LRRC4C: variants seen among roughly 807,000 people sequenced by gnomAD.
LRRC4C encodes the protein leucine-rich repeat-containing protein 4C.
In LRRC4C, 5 loss-of-function variants were observed where a neutral mutation model predicts 33.6. The ratio of observed to expected loss-of-function variants is 0.15; its 90% CI spans 0.08 to 0.31. The LOEUF (loss-of-function observed/expected upper bound fraction) is 0.31, where lower values mean the gene tolerates loss of function less well. Ranked by LOEUF, LRRC4C falls within the 10% of genes least tolerant of loss-of-function variation. The pLI, the probability that LRRC4C is intolerant of heterozygous loss-of-function variation, is 1.00. For synonymous variants in LRRC4C, 329 were observed against 302.0 expected, an observed-to-expected ratio of 1.09 and a Z score of -0.93; for missense variants, 560 against 796.7, an observed-to-expected ratio of 0.70 and a Z score of 3.58.
At chr11:41,264,033 T>C (rs1262677923) in intron 1 of LRRC4C, among the ~76,000 whole-genome samples, 2 of 152,036 alleles carry the variant, frequency 1.3e-5, no homozygotes, top group African/African-American at 2.4e-5. Flanking sequence ...TAAAGTATAA[T>C]ACAAAAATTG....
At chr11:41,407,810 G>T (rs1954299976) in intron 1 of LRRC4C, among the ~76,000 whole-genome samples, 1 of 152,126 alleles carries the variant, frequency 6.6e-6, no homozygotes, top group Non-Finnish European at 1.5e-5. Context: ...TCAAAGGTAG[G>T]TGTAAGAAAG....
chr11:40,172,538 C>A (rs183227688), intron 5 of LRRC4C, among the ~76,000 whole-genome samples: 2 of 151,812 alleles, frequency 1.3e-5, no homozygotes, highest in South Asian at 2.1e-4. Flanking sequence ...TTTATGCTCC[C>A]TTTTTACCCT....
At chr11:41,254,586 C>T (rs978690188) in intron 1 of LRRC4C, among the ~76,000 whole-genome samples, 2 of 151,926 alleles carry the variant, frequency 1.3e-5, no homozygotes, top group African/African-American at 2.4e-5. Context: ...ACCCAAGGGG[C>T]CATAATATTA....
intron 1 of LRRC4C, among the ~76,000 whole-genome samples, chr11:41,214,743 C>G (rs1441137599): frequency 2.8e-5 from 4 of 145,366 alleles, no homozygotes; most frequent in African/African-American, 1.0e-4. Flanking sequence ...GAGCCAGACT[C>G]CATCTCAAAA....
intron 2 of LRRC4C, among the ~76,000 whole-genome samples, chr11:40,819,175 G>C (rs1026471614): frequency 1.3e-5 from 2 of 152,094 alleles, no homozygotes; most frequent in South Asian, 4.1e-4. Flanking sequence ...ACAAATATGT[G>C]CAGAAGAGTT....
At chr11:40,149,765 G>C (rs1858034393) in intron 5 of LRRC4C, among the ~76,000 whole-genome samples, 1 of 152,172 alleles carries the variant, frequency 6.6e-6, no homozygotes, top group African/African-American at 2.4e-5. Context: ...TCCAGGAAGA[G>C]AGAATAGCTA....
chr11:40,591,077 C>T (rs1959031122), intron 3 of LRRC4C, among the ~76,000 whole-genome samples: 1 of 152,152 alleles, frequency 6.6e-6, no homozygotes, highest in South Asian at 2.1e-4. Context: ...CTCCCCCAGC[C>T]TCGCTGCCGC....
chr11:41,366,500 A>G (rs1007575332), intron 1 of LRRC4C, among the ~76,000 whole-genome samples: 1 of 152,186 alleles, frequency 6.6e-6, no homozygotes, highest in Non-Finnish European at 1.5e-5. Flanking sequence ...AAATTTTAAA[A>G]TATAATTTAA....
intron 2 of LRRC4C, among the ~76,000 whole-genome samples, chr11:40,725,848 G>T (rs1371218361): frequency 6.6e-6 from 1 of 152,064 alleles, no homozygotes; most frequent in Non-Finnish European, 1.5e-5. Context: ...GATTGCTTGA[G>T]CTGCAAGCCT....
intron 2 of LRRC4C, among the ~76,000 whole-genome samples, chr11:40,874,753 T>A (rs1339153576): frequency 6.6e-6 from 1 of 152,190 alleles, no homozygotes; most frequent in Non-Finnish European, 1.5e-5. Context: ...TTCACTGGAT[T>A]TGCAATGAGG....
chr11:40,638,434 C>T (rs556909166), intron 3 of LRRC4C, among the ~76,000 whole-genome samples: 10 of 152,244 alleles, frequency 6.6e-5, no homozygotes, highest in African/African-American at 2.2e-4. Context: ...GGCTCTTAAC[C>T]TTGTGCATAA....
chr11:41,063,175 A>C (rs753093835), intron 1 of LRRC4C, among the ~76,000 whole-genome samples: 2 of 152,202 alleles, frequency 1.3e-5, no homozygotes, highest in Non-Finnish European at 2.9e-5. Context: ...AGTCTTCTTA[A>C]CCATCCTGCA....
At position 40,192,449 on chromosome 11, in the gene LRRC4C, C is replaced by T. The variant is rs535167997; in HGVS notation, c.-96+49070G>A. ...GATACCATGTTTATCTCACGGTCTT[C>T]GCAATCTGCAGACCAGGAGATTCCC... On this transcript the variant is annotated intron_variant, in intron 5 of 6. Coordinates refer to ENST00000528697, the MANE Select transcript of LRRC4C (RefSeq NM_001258419.2). Among the ~76,000 whole-genome samples the T allele has an allele frequency of 4.9e-4, 74 of 152,312 alleles. No individual in the cohort carries two copies. In the Middle Eastern group the frequency reaches 0.01, roughly 21 times the overall value.
chr11:40,286,772 CA>C (rs1943869693), intron 4 of LRRC4C, among the ~76,000 whole-genome samples: 1 of 152,070 alleles, frequency 6.6e-6, no homozygotes, highest in Non-Finnish European at 1.5e-5. Context: ...CGAGGATTAA[CA>C]AGGTTAATTG....
At chr11:40,491,215 G>A (rs1954135078) in intron 3 of LRRC4C, among the ~76,000 whole-genome samples, 1 of 152,082 alleles carries the variant, frequency 6.6e-6, no homozygotes, top group African/African-American at 2.4e-5. Flanking sequence ...AACCCAGGAG[G>A]CAAAGGTTGC....
At chr11:40,492,751 A>T (rs2138529947) in intron 3 of LRRC4C, among the ~76,000 whole-genome samples, 1 of 152,292 alleles carries the variant, frequency 6.6e-6, no homozygotes, top group African/African-American at 2.4e-5. Context: ...GTGAGACATC[A>T]ACAGGCTTTA....
intron 3 of LRRC4C, among the ~76,000 whole-genome samples, chr11:40,505,790 A>T (rs551392219): frequency 6.6e-6 from 1 of 152,138 alleles, no homozygotes; most frequent in African/African-American, 2.4e-5. Context: ...TCGAAGCCCA[A>T]TAATACCTCT....
chr11:40,350,355 T>C (rs1947327740), intron 3 of LRRC4C, among the ~76,000 whole-genome samples: 1 of 152,090 alleles, frequency 6.6e-6, no homozygotes, highest in Non-Finnish European at 1.5e-5. Context: ...GGCTGTCCTT[T>C]CCCTAGTGTA....
At chr11:40,197,796 A>G (rs1388931104) in intron 5 of LRRC4C, among the ~76,000 whole-genome samples, 1 of 152,172 alleles carries the variant, frequency 6.6e-6, no homozygotes, top group Non-Finnish European at 1.5e-5. Context: ...AGGGGAACAA[A>G]AGCAATTTCT....
Sources: gnomAD v4.1 joint callset for allele counts (sites outside exome capture counted in the v4.1 genomes callset) on GRCh38, gnomAD v4.1.1 for gene constraint, MANE v1.5 for transcripts, NCBI Gene and HGNC (gene_info 2026-07-23, HGNC 2026-07-21) for gene names.